GK: variants seen among roughly 807,000 people sequenced by gnomAD.
GK encodes ATP:glycerol 3-phosphotransferase.
In GK, 9 loss-of-function variants were observed where a neutral mutation model predicts 56.4. The observed-to-expected ratio is 0.16, with a 90% confidence interval of 0.10 to 0.28. GK has a LOEUF of 0.28. Among genes scored for constraint, GK ranks in the 10% least tolerant of loss-of-function variants. The pLI, the probability that GK is intolerant of heterozygous loss-of-function variation, is 1.00. For synonymous variants in GK, 104 were observed against 144.1 expected, an observed-to-expected ratio of 0.72 and a Z score of 1.99; for missense variants, 161 against 431.4, an observed-to-expected ratio of 0.37 and a Z score of 5.55.
intron 3 of GK, among the ~76,000 whole-genome samples, chrX:30,673,504 T>C (rs1933679426): frequency 8.9e-6 from 1 of 111,792 alleles, no homozygotes; most frequent in South Asian, 3.7e-4. Context: ...ACTGGAACAT[T>C]GAAAAAGTTC....
At chrX:30,655,919 TC>T (rs1932234663) in intron 1 of GK, among the ~76,000 whole-genome samples, 1 of 112,378 alleles carries the variant, frequency 8.9e-6, no homozygotes, top group South Asian at 3.6e-4. Flanking sequence ...CTGTGAGGCC[TC>T]GTCTCATTGC....
In GK at chrX:30,720,629, T is replaced by C; in HGVS notation, c.1245T>C (p.Asp415=). 1 of 1,202,781 alleles carries C rather than the reference T, an allele frequency of 8.3e-7. No individual in the cohort carries two copies. Among genetic ancestry groups the C allele is most frequent in the Non-Finnish European group, 1.1e-6 (1 of 887,609 alleles). ...AVCFQTREIL[D]AMNRDCGIPL... ...GCACTGGTTTATTTAAGATTTTGGATGCCATGAATCGAGACTGTGGAATTC... is the reference window on the plus strand; with the variant it reads ...GCACTGGTTTATTTAAGATTTTGGACGCCATGAATCGAGACTGTGGAATTC... Residue 415 remains aspartate, a synonymous_variant, in exon 17 of 21, where the codon GAT becomes GAC. Transcript: ENST00000427190.
At chrX:30,682,352 G>A (rs1025121081) in intron 4 of GK, among the ~76,000 whole-genome samples, 2 of 111,653 alleles carry the variant, frequency 1.8e-5, no homozygotes, top group African/African-American at 6.5e-5. Flanking sequence ...TGTGTTCTAG[G>A]TTTTGTGATA....
chrX:30,668,695 T>G (rs1933253242), intron 3 of GK, among the ~76,000 whole-genome samples: 1 of 111,642 alleles, frequency 9.0e-6, no homozygotes, highest in Non-Finnish European at 1.9e-5. Flanking sequence ...ATTTAGGATT[T>G]TGGATGTTAT....
intron 4 of GK, among the ~76,000 whole-genome samples, chrX:30,690,488 T>C (rs1934874514): frequency 9.0e-6 from 1 of 111,462 alleles, no homozygotes; most frequent in East Asian, 2.8e-4. Flanking sequence ...GTAAAGATAA[T>C]GTTGATCCAT....
chrX:30,678,391 TC>T (rs1320123914), intron 4 of GK, among the ~76,000 whole-genome samples: 1 of 111,573 alleles, frequency 9.0e-6, no homozygotes, highest in Non-Finnish European at 1.9e-5. Context: ...AAAATTTTGT[TC>T]TAAATTACAA....
At chrX:30,719,679 A>G (rs1936805952) in intron 15 of GK, among the ~76,000 whole-genome samples, 164 bp downstream of exon 15, 1 of 112,190 alleles carries the variant, frequency 8.9e-6, no homozygotes, top group African/African-American at 3.2e-5. Context: ...CCAAGAAGTT[A>G]TGAATCAGCT....
At chrX:30,689,077 A>G (rs1382102860) in intron 4 of GK, among the ~76,000 whole-genome samples, 1 of 112,492 alleles carries the variant, frequency 8.9e-6, no homozygotes, top group Non-Finnish European at 1.9e-5. Context: ...TCCTATTTCA[A>G]TTTTTAAAGT....
intron 4 of GK, among the ~76,000 whole-genome samples, chrX:30,686,336 TCATGTCTCTTG>T (rs1176867836): frequency 8.9e-6 from 1 of 112,479 alleles, no homozygotes; most frequent in Non-Finnish European, 1.9e-5. Context: ...TGTTTTACTA[TCATGTCTCTTG>T]TGGGAGAAAC....
At chrX:30,687,536 C>T (rs770011136) in intron 4 of GK, 1 of 340,477 alleles carries the variant, frequency 2.9e-6, no homozygotes, top group South Asian at 2.6e-5. Flanking sequence ...GCTCCAGCTG[C>T]TCCAGTTTCT....
At chrX:30,717,632 C>T (rs1205100994) in intron 13 of GK, among the ~76,000 whole-genome samples, 2 of 111,801 alleles carry the variant, frequency 1.8e-5, no homozygotes, top group East Asian at 2.8e-4. Flanking sequence ...CAATGCTCAT[C>T]CATGTTGTAG....
At chrX:30,689,484 G>A in intron 4 of GK, 1 of 331,346 alleles carries the variant, frequency 3.0e-6, no homozygotes, top group Non-Finnish European at 5.9e-6. Flanking sequence ...TGCAAGGGTA[G>A]CTAAGTTCAG....
chrX:30,707,664 AT>A, intron 12 of GK, 66 bp downstream of exon 12: 1 of 618,761 alleles, frequency 1.6e-6, no homozygotes. Context: ...CTTGAACATA[AT>A]TTACTATTAA....
rs200176374 is a variant in GK, at chrX:30,716,771, T to TA, written c.976-1765dup. Among the ~76,000 whole-genome samples the TA allele has an allele frequency of 8.3e-3, 926 of 112,078 alleles. 7 individuals carry two copies. The highest frequency in any genetic ancestry group is 0.028 in the African/African-American group (871 of 30,913). On this transcript the variant is annotated intron_variant, in intron 13 of 20. Coordinates refer to ENST00000427190, the MANE Select transcript of GK (RefSeq NM_001205019.2). ...CCTAAATATGTAAATGTGTCAAACT[T>TA]AATACAACAACTTATTTTAGGCAGG... is the stretch of plus-strand genomic sequence containing the variant.
At chrX:30,724,920 A>G (rs1371311828) in intron 19 of GK, among the ~76,000 whole-genome samples, 1 of 108,460 alleles carries the variant, frequency 9.2e-6, no homozygotes, top group African/African-American at 3.4e-5. Flanking sequence ...TCGCTCCGTC[A>G]CCCAGGCTAG....
chrX:30,683,670 A>G (rs1318923470), intron 4 of GK, among the ~76,000 whole-genome samples: 1 of 112,510 alleles, frequency 8.9e-6, no homozygotes, highest in Non-Finnish European at 1.9e-5. Flanking sequence ...AAATGGGTCC[A>G]TTGAGGAAGA....
At position 30,719,489 on chromosome X, in the gene GK, A is replaced by C. The variant is rs1457423520; in HGVS notation, c.1125A>C (p.Ala375=). ...TCCCAGCATTTTCGGGGTTATATGC[A>C]CCTTATTGGGAGCCCAGCGCAAGAG... ...YFVPAFSGLY[A]PYWEPSARGI... is the part of the protein sequence containing the mutation. The change falls in exon 15 of 21, where the codon GCA becomes GCC. Residue 375 remains alanine, a synonymous_variant. Coordinates refer to ENST00000427190, the MANE Select transcript of GK (RefSeq NM_001205019.2). 3.4e-6 allele frequency: 4 copies of C among 1,178,345 alleles called. No homozygotes were observed. Among genetic ancestry groups the C allele is most frequent in the South Asian group, 1.8e-5 (1 of 56,042 alleles).
At chrX:30,668,401 T>G (rs755491020) in intron 3 of GK, among the ~76,000 whole-genome samples, 3 of 112,323 alleles carry the variant, frequency 2.7e-5, no homozygotes, top group Non-Finnish European at 5.6e-5. Context: ...TAGAAGGGCT[T>G]GCTTTAGATT....
intron 13 of GK, among the ~76,000 whole-genome samples, chrX:30,712,980 C>T (rs1424562318): frequency 2.0e-4 from 22 of 110,814 alleles, no homozygotes; most frequent in African/African-American, 7.2e-4. Context: ...GTGATCCGCC[C>T]GCCTCGGCCT....
Sources: allele counts gnomAD v4.1 joint callset (sites outside exome capture counted in the v4.1 genomes callset), GRCh38; gene constraint gnomAD v4.1.1; transcripts MANE v1.5; gene names NCBI Gene and HGNC (gene_info 2026-07-23, HGNC 2026-07-21).